FYCO1: variants seen among roughly 807,000 people sequenced by gnomAD.
The protein encoded by FYCO1 is FYVE and coiled-coil domain-containing protein 1.
In FYCO1, 122 loss-of-function variants were observed where a neutral mutation model predicts 165.1. The ratio of observed to expected loss-of-function variants is 0.74; its 90% confidence interval spans 0.64 to 0.86. The LOEUF (loss-of-function observed/expected upper bound fraction) is 0.86. FYCO1 is among the 40% of genes least tolerant of loss of function. The pLI is 0.00. For missense variants in FYCO1, 1,702 were observed against 1,810.3 expected, an observed-to-expected ratio of 0.94 and a Z score of 1.09; for synonymous variants, 648 against 742.5, an observed-to-expected ratio of 0.87 and a Z score of 2.07.
chr3:45,978,949 C>T (rs1435893599), intron 4 of FYCO1, among the ~76,000 whole-genome samples: 1 of 151,492 alleles, frequency 6.6e-6, no homozygotes, highest in East Asian at 1.9e-4. Flanking sequence ...CTCCGCCTCC[C>T]GGGTTCACGC....
intron 13 of FYCO1, 97 bp downstream of exon 13, chr3:45,958,311 A>G: frequency 1.9e-6 from 2 of 1,073,782 alleles, no homozygotes; most frequent in East Asian, 2.5e-5. Context: ...TTTAGAAAAC[A>G]CTGAATTCAG....
At position 45,995,777 on chromosome 3, in the gene FYCO1, A is replaced by G. The variant is rs1707775489; in HGVS notation, c.-168T>C. 2 of 152,714 alleles carry G rather than the reference A, an allele frequency of 1.3e-5. No individual in the cohort carries two copies. Among genetic ancestry groups the G allele is most frequent in the South Asian group, 4.1e-4 (2 of 4,836 alleles). 9.5% of individuals were successfully genotyped at this position (152,714 alleles called of 1,614,324 possible). On this transcript the variant is annotated 5_prime_UTR_variant, in exon 1 of 18. Coordinates refer to ENST00000296137, the MANE Select transcript of FYCO1 (RefSeq NM_024513.4). ...GAAACTTTCTGGGGCCAAGCGGAAGAGGACGGGAACGCGGTGCTGACGGCC... is the reference window on the plus strand; with the variant it reads ...GAAACTTTCTGGGGCCAAGCGGAAGGGGACGGGAACGCGGTGCTGACGGCC...
chr3:45,968,307 T>C lies in FYCO1; in HGVS notation c.1027A>G (p.Met343Val), dbSNP rs1706214869. Residue 343 changes from methionine to valine, a missense_variant, in exon 8 of 18, where the codon ATG (methionine) becomes GTG (valine). Coordinates refer to ENST00000296137, the MANE Select transcript of FYCO1 (RefSeq NM_024513.4). ...AGCTCCTGTGCCAAGGGCTGCAGCA[T>C]GGACTCCAGCCGCCGCAGGGCTGTG... ...YHTALRRLESMLQPLAQELEA... is the reference protein window; with the variant it reads ...YHTALRRLESVLQPLAQELEA... 1.9e-6 allele frequency: 3 copies of C among 1,613,912 alleles called. No homozygotes were observed. Among genetic ancestry groups the C allele is most frequent in the Non-Finnish European group, 2.5e-6 (3 of 1,180,028 alleles).
intron 4 of FYCO1, among the ~76,000 whole-genome samples, chr3:45,977,400 TATATATAAAG>T (rs1706826225): frequency 5.8e-5 from 4 of 69,100 alleles, no homozygotes; most frequent in African/African-American, 1.2e-4. Flanking sequence ...TATATATATA[TATATATAAAG>T]GGAACTATTT....
chr3:45,934,810 C>T (rs1050515989), intron 15 of FYCO1, among the ~76,000 whole-genome samples: 2 of 152,226 alleles, frequency 1.3e-5, no homozygotes, highest in Admixed American at 6.5e-5. Context: ...ATGCAAGGGA[C>T]ATTTTGGTAG....
chr3:45,946,363 G>A (rs1704603469), intron 14 of FYCO1: 1 of 840,298 alleles, frequency 1.2e-6, no homozygotes, highest in Non-Finnish European at 1.9e-6. Flanking sequence ...GGGTTTAGAA[G>A]ATGACTATTT....
intron 14 of FYCO1, among the ~76,000 whole-genome samples, chr3:45,937,839 T>A (rs903519892): frequency 6.6e-6 from 1 of 152,162 alleles, no homozygotes; most frequent in African/African-American, 2.4e-5. Flanking sequence ...TTCCAGCCGC[T>A]GGTTTCCAGG....
chr3:45,973,133 G>T lies in FYCO1; in HGVS notation c.494C>A (p.Ala165Glu). The T allele has an allele frequency of 6.2e-7, 1 of 1,614,182 alleles. No individual in the cohort carries two copies. Among genetic ancestry groups the T allele is most frequent in the Non-Finnish European group, 8.5e-7 (1 of 1,180,036 alleles). The change falls in exon 6 of 18, where the codon GCG (alanine) becomes GAG (glutamate). Residue 165 changes from alanine to glutamate, a missense_variant. By Grantham distance (107) the Ala-to-Glu change is moderately radical (BLOSUM62 -1). Coordinates refer to ENST00000296137, the MANE Select transcript of FYCO1 (RefSeq NM_024513.4). ...AGCATCCAAGTCAAAGCCCCTCGAC[G>T]CCAGGTCAAACTGAACCTCAGTCAG... Reference protein sequence around the residue: ...YELTEVQFDLASRGFDLDAAW... With the variant: ...YELTEVQFDLESRGFDLDAAW...
At chr3:45,941,733 T>C (rs533929675) in intron 14 of FYCO1, among the ~76,000 whole-genome samples, 2 of 152,306 alleles carry the variant, frequency 1.3e-5, no homozygotes, top group South Asian at 2.1e-4. Context: ...CTGGCTTGTT[T>C]TTCCCCATGG....
chr3:45,981,922 C>T (rs1379025368), intron 2 of FYCO1, among the ~76,000 whole-genome samples: 1 of 152,180 alleles, frequency 6.6e-6, no homozygotes, highest in African/African-American at 2.4e-5. Flanking sequence ...CTTGTCTGTC[C>T]ACCACCCAGG....
At chr3:45,925,999 A>G (rs1397287342) in intron 16 of FYCO1, among the ~76,000 whole-genome samples, 1 of 152,196 alleles carries the variant, frequency 6.6e-6, no homozygotes, top group Non-Finnish European at 1.5e-5. Context: ...ATATGAAAGG[A>G]CAGTTTTCAA....
Position 45,979,752 on chromosome 3 carries a change from C to T in FYCO1, c.241G>A (p.Val81Met), listed in dbSNP as rs1167055520. ...CGGATCCCATCATTGGCTCCTTTCA[C>T]CTTGGCCAGGCAGGCACAGAAGTAA... is the stretch of plus-strand genomic sequence containing the variant. Reference protein sequence around the residue: ...WDYFCACLAKVKGANDGIRFV... With the variant: ...WDYFCACLAKMKGANDGIRFV... Residue 81 changes from valine (V) to methionine (M), a missense_variant, in exon 4 of 18, where the codon GTG becomes ATG. Transcript: ENST00000296137. 6.2e-6 allele frequency: 10 copies of T among 1,614,022 alleles called. No individual in the cohort carries two copies. Among genetic ancestry groups the T allele is most frequent in the Admixed American group, 1.7e-5 (1 of 60,008 alleles).
At chr3:45,988,494 A>C (rs188573680) in intron 1 of FYCO1, among the ~76,000 whole-genome samples, 4 of 152,104 alleles carry the variant, frequency 2.6e-5, no homozygotes, top group African/African-American at 7.2e-5. Context: ...AGCTCTGTAC[A>C]TACTACCACG....
intron 14 of FYCO1, chr3:45,946,722 G>T: frequency 6.2e-7 from 1 of 1,614,244 alleles, no homozygotes; most frequent in Non-Finnish European, 8.5e-7. Flanking sequence ...CCTGGTGTTT[G>T]TCTGCACTCT....
intron 6 of FYCO1, among the ~76,000 whole-genome samples, chr3:45,972,703 G>A (rs1322058273): frequency 6.6e-6 from 1 of 152,188 alleles, no homozygotes; most frequent in Non-Finnish European, 1.5e-5. Flanking sequence ...ACCCTTATGT[G>A]GACAAGCTGT....
Position 45,965,044 on chromosome 3 carries a change from C to G in FYCO1, c.3139G>C (p.Glu1047Gln), listed in dbSNP as rs1446179480. ...CTACCAGGGCCTACCTTCAGCTTCT[C>G]CACAGCTTCCTCAGCAGCCTGCAGC... ...RQLQAAEEAV[E>Q]KLKATQADMG... The change falls in exon 9 of 18, where the codon GAG (glutamate) becomes CAG (glutamine). Residue 1047 changes from glutamate (E) to glutamine (Q), a missense_variant. Transcript: ENST00000296137. The G allele has an allele frequency of 6.2e-7, 1 of 1,614,054 alleles. No homozygotes were observed. The highest frequency in any genetic ancestry group is 1.7e-5 in the Admixed American group (1 of 60,022).
rs1462124600 is a variant in FYCO1, at chr3:45,918,817, G to A, written c.*2948C>T. On this transcript the variant is annotated 3_prime_UTR_variant, in exon 18 of 18. Transcript: ENST00000296137. The stretch of plus-strand genomic sequence containing the variant: ...GGAGTTTTTCAGTTCCCGTGTCTTT[G>A]CCTGCTCTTGGTCCAGTCCACCTGG... 1 of 152,056 alleles carries A rather than the reference G, an allele frequency of 6.6e-6. No individual in the cohort carries two copies. The highest frequency in any genetic ancestry group is 1.5e-5 in the Non-Finnish European group (1 of 68,038). The allele number at this position is 152,056 out of a possible 1,614,324, so 9.4% of individuals were successfully genotyped here.
At chr3:45,987,018 A>G (rs1707349194) in intron 1 of FYCO1, among the ~76,000 whole-genome samples, 1 of 152,226 alleles carries the variant, frequency 6.6e-6, no homozygotes, top group Non-Finnish European at 1.5e-5. Context: ...AGGCTCACGT[A>G]GAGATATGGA....
At position 45,923,766 on chromosome 3, in the gene FYCO1, C is replaced by A. The variant is rs1413833824; in HGVS notation, c.4252-1G>T. ...TGCATCGGGTCGTGGGAATGAGGAC[C>A]TGGGAGGGAAAGCAGGTAGGCAAAA... is the stretch of plus-strand genomic sequence containing the variant. On this transcript the variant is annotated splice_acceptor_variant, in intron 16 of 17. Coordinates refer to ENST00000296137, the MANE Select transcript of FYCO1 (RefSeq NM_024513.4). LOFTEE classifies it high-confidence loss of function. 1.9e-6 allele frequency: 3 copies of A among 1,610,632 alleles called. No homozygotes were observed. The African/African-American group carries it at 4.0e-5, about 22-fold the overall frequency.
Sources: allele counts gnomAD v4.1 joint callset (sites outside exome capture counted in the v4.1 genomes callset), GRCh38; gene constraint gnomAD v4.1.1; transcripts MANE v1.5; gene names NCBI Gene and HGNC (gene_info 2026-07-23, HGNC 2026-07-21).